Variants in DIP2C observed in about 807,000 individuals in gnomAD.
DIP2C encodes disco-interacting protein 2 homolog C.
DIP2C carries 33 observed loss-of-function variants against 192.4 expected under a neutral mutation model. That is an observed-to-expected ratio of 0.17 (90% CI 0.13 to 0.23). DIP2C has a LOEUF of 0.23. DIP2C is among the 10% of genes least tolerant of loss of function. The pLI, the probability that DIP2C is intolerant of heterozygous loss-of-function variation, is 1.00. For synonymous variants in DIP2C, 979 were observed against 864.1 expected, an observed-to-expected ratio of 1.13 and a Z score of -2.33; for missense variants, 1,537 against 2,110.1, an observed-to-expected ratio of 0.73 and a Z score of 5.32.
chr10:535,926 ATT>A (rs1381606730), intron 1 of DIP2C, among the ~76,000 whole-genome samples: 4 of 152,180 alleles, frequency 2.6e-5, no homozygotes, highest in Non-Finnish European at 5.9e-5. Context: ...CATTTTCAAC[ATT>A]TCTCTCCCAT....
At chr10:609,022 ATT>A (rs1419073037) in intron 1 of DIP2C, among the ~76,000 whole-genome samples, 9 of 152,072 alleles carry the variant, frequency 5.9e-5, no homozygotes, top group Non-Finnish European at 8.8e-5. Context: ...TATAAGCATG[ATT>A]TTGTCATCAC....
chr10:631,540 G>C (rs1223703329), intron 1 of DIP2C, among the ~76,000 whole-genome samples: 1 of 152,094 alleles, frequency 6.6e-6, no homozygotes, highest in Non-Finnish European at 1.5e-5. Flanking sequence ...TAGCACCTCT[G>C]GGCGCCAACA....
At chr10:565,079 G>A (rs758631246) in intron 1 of DIP2C, among the ~76,000 whole-genome samples, 1 of 152,134 alleles carries the variant, frequency 6.6e-6, no homozygotes, top group Non-Finnish European at 1.5e-5. Flanking sequence ...TGCTGTAGGA[G>A]AGGGCGGTTC....
intron 8 of DIP2C, among the ~76,000 whole-genome samples, chr10:412,003 A>G (rs926225948): frequency 5.9e-5 from 9 of 152,272 alleles, no homozygotes; most frequent in Non-Finnish European, 1.2e-4. Context: ...AATACAACAT[A>G]TAAAGGAGTT....
At chr10:333,225 G>A (rs961544597) in intron 29 of DIP2C, among the ~76,000 whole-genome samples, 11 of 151,972 alleles carry the variant, frequency 7.2e-5, no homozygotes, top group Admixed American at 2.0e-4. Context: ...AACACCCGTC[G>A]GCTTTATTTA....
At chr10:580,007 T>G (rs1359519864) in intron 1 of DIP2C, among the ~76,000 whole-genome samples, 1 of 152,144 alleles carries the variant, frequency 6.6e-6, no homozygotes, top group Non-Finnish European at 1.5e-5. Flanking sequence ...AACATGTATG[T>G]ACATGAATAG....
intron 1 of DIP2C, among the ~76,000 whole-genome samples, chr10:627,364 C>G (rs1171805262): frequency 6.6e-6 from 1 of 152,256 alleles, no homozygotes; most frequent in Non-Finnish European, 1.5e-5. Flanking sequence ...TCACCAGCCG[C>G]TCTGCCGTAC....
At chr10:487,565 G>GTTT (rs1844105030) in intron 1 of DIP2C, among the ~76,000 whole-genome samples, 1 of 106,768 alleles carries the variant, frequency 9.4e-6, no homozygotes, top group Non-Finnish European at 1.8e-5. Flanking sequence ...CCATCAATGA[G>GTTT]TGTTTTTTTT....
chr10:413,810 G>A (rs1378440732), intron 8 of DIP2C, 103 bp downstream of exon 8: 10 of 1,423,428 alleles, frequency 7.0e-6, no homozygotes, highest in Non-Finnish European at 9.6e-6. Context: ...GTTAGCCTCG[G>A]GATTACCTTA....
chr10:454,199 C>T (rs1969090146), intron 3 of DIP2C, among the ~76,000 whole-genome samples: 1 of 152,130 alleles, frequency 6.6e-6, no homozygotes, highest in Non-Finnish European at 1.5e-5. Flanking sequence ...CCCAGAAGCA[C>T]CCATCTATTA....
chr10:629,974 G>A (rs770249726), intron 1 of DIP2C: 23 of 152,188 alleles, frequency 1.5e-4, no homozygotes, highest in Admixed American at 3.3e-4. Flanking sequence ...CCACGAGGGC[G>A]GCCTATTCCC....
Position 684,000 on chromosome 10 carries a change from C to T in DIP2C, c.85+5494G>A, listed in dbSNP as rs532259159. Among the ~76,000 whole-genome samples, 327 of 152,354 alleles carry T rather than the reference C, an allele frequency of 2.1e-3. 1 individual carries two copies. The highest frequency in any genetic ancestry group is 6.8e-3 in the Middle Eastern group (2 of 294). ...CCGTCATGGCTCTCAGGAGGCTGAG[C>T]GGGAAGCGCGTGGCTCGGGCCCCTA... On this transcript the variant is annotated intron_variant, in intron 1 of 36. Coordinates refer to ENST00000280886, the MANE Select transcript of DIP2C (RefSeq NM_014974.3).
intron 35 of DIP2C, 55 bp from the exon 36 acceptor site, chr10:281,378 T>G: frequency 6.5e-7 from 1 of 1,526,894 alleles, no homozygotes; most frequent in Non-Finnish European, 8.8e-7. Flanking sequence ...TCAAGCCGTT[T>G]CCTTCTTTTC....
chr10:511,230 T>C (rs1845992731), intron 1 of DIP2C, among the ~76,000 whole-genome samples: 1 of 152,160 alleles, frequency 6.6e-6, no homozygotes, highest in Non-Finnish European at 1.5e-5. Flanking sequence ...AGCGTGGAGT[T>C]CCTGCAAACT....
chr10:551,959 A>G (rs1190516215), intron 1 of DIP2C, among the ~76,000 whole-genome samples: 1 of 152,232 alleles, frequency 6.6e-6, no homozygotes, highest in Non-Finnish European at 1.5e-5. Flanking sequence ...ACGCTGCTAT[A>G]GCTGTTGTGA....
intron 3 of DIP2C, among the ~76,000 whole-genome samples, chr10:453,471 G>A (rs1159807572): frequency 1.3e-5 from 2 of 152,234 alleles, no homozygotes; most frequent in Non-Finnish European, 2.9e-5. Context: ...AAAACGATAG[G>A]AGAAAATAAT....
At chr10:350,316 G>A (rs920355874) in intron 24 of DIP2C, among the ~76,000 whole-genome samples, 2 of 152,050 alleles carry the variant, frequency 1.3e-5, no homozygotes, top group Non-Finnish European at 2.9e-5. Context: ...CAAACTCGTG[G>A]CCTCAAGTGA....
chr10:678,498 C>A (rs1830950978), intron 1 of DIP2C, among the ~76,000 whole-genome samples: 1 of 151,960 alleles, frequency 6.6e-6, no homozygotes, highest in Non-Finnish European at 1.5e-5. Flanking sequence ...CAGCACCCGT[C>A]CTCCCCGCAC....
At chr10:462,641 T>C (rs1160441917) in intron 3 of DIP2C, among the ~76,000 whole-genome samples, 1 of 151,856 alleles carries the variant, frequency 6.6e-6, no homozygotes, top group Admixed American at 6.6e-5. Flanking sequence ...TCCAAAACAA[T>C]AGAAAAGAGG....
Sources: gnomAD v4.1 joint callset for allele counts (sites outside exome capture counted in the v4.1 genomes callset) on GRCh38, gnomAD v4.1.1 for gene constraint, MANE v1.5 for transcripts, NCBI Gene and HGNC (gene_info 2026-07-23, HGNC 2026-07-21) for gene names.